ZFAND3: variants seen among roughly 807,000 people sequenced by gnomAD.
ZFAND3 encodes the protein AN1-type zinc finger protein 3.
ZFAND3 carries 10 observed loss-of-function variants against 29.6 expected under a neutral mutation model. The ratio of observed to expected loss-of-function variants is 0.34; its 90% confidence interval spans 0.21 to 0.57. The LOEUF is 0.57. Ranked by LOEUF, ZFAND3 falls within the 20% of genes least tolerant of loss-of-function variation. ZFAND3 has a pLI of 0.86. For missense variants in ZFAND3, 230 were observed against 304.5 expected (o/e 0.76, Z 1.82); for synonymous variants, 128 against 112.6 (o/e 1.14, Z -0.87).
intron 1 of ZFAND3, among the ~76,000 whole-genome samples, chr6:37,871,351 T>A (rs1764692119): frequency 6.6e-6 from 1 of 152,244 alleles, no homozygotes; most frequent in South Asian, 2.1e-4. Context: ...ATTCATTTAT[T>A]AAGAGACTAT....
At chr6:38,054,730 T>C (rs896382505) in intron 2 of ZFAND3, among the ~76,000 whole-genome samples, 4 of 152,186 alleles carry the variant, frequency 2.6e-5, no homozygotes, top group African/African-American at 4.8e-5. Flanking sequence ...CTACAACATA[T>C]GCATAAGGTG....
chr6:37,913,813 C>T (rs1581756398), intron 1 of ZFAND3, among the ~76,000 whole-genome samples: 3 of 149,928 alleles, frequency 2.0e-5, no homozygotes, highest in Non-Finnish European at 4.4e-5. Context: ...CGGGTTTAAG[C>T]GATTCTCCTG....
intron 2 of ZFAND3, among the ~76,000 whole-genome samples, chr6:38,045,685 C>T (rs560879452): frequency 6.6e-6 from 1 of 152,114 alleles, no homozygotes; most frequent in East Asian, 1.9e-4. Flanking sequence ...CTACCTCTTT[C>T]TAATAAGAGT....
intron 1 of ZFAND3, among the ~76,000 whole-genome samples, chr6:37,860,792 T>G (rs756439308): frequency 2.2e-4 from 34 of 152,104 alleles, no homozygotes; most frequent in Non-Finnish European, 4.4e-4. Context: ...GTGCCTTTAT[T>G]TGATCATTTA....
rs773812967 is a variant in ZFAND3, at chr6:38,066,050, G to C, written c.295+4275G>C. On this transcript the variant is annotated intron_variant, in intron 3 of 5. Coordinates refer to ENST00000287218, the MANE Select transcript of ZFAND3 (RefSeq NM_021943.3). Reference sequence around the variant, plus strand: ...GGTGCATAAGAATTTTGGGGTGGAAGGGGGGAAGTAGCTAGTAGTGGTTAA... The same window carrying C: ...GGTGCATAAGAATTTTGGGGTGGAACGGGGGAAGTAGCTAGTAGTGGTTAA... 2.0e-5 allele frequency among the ~76,000 whole-genome samples: 3 copies of C among 152,300 alleles called. No homozygotes were observed. In the East Asian group the frequency reaches 5.8e-4, roughly 29 times the overall value.
chr6:37,982,405 T>A (rs1172947279), intron 2 of ZFAND3, among the ~76,000 whole-genome samples: 2 of 152,136 alleles, frequency 1.3e-5, no homozygotes, highest in African/African-American at 4.8e-5. Flanking sequence ...ACATAAGCAG[T>A]GGAGCAGCCT....
chr6:37,957,772 T>C (rs886135485), intron 2 of ZFAND3, among the ~76,000 whole-genome samples: 1 of 152,200 alleles, frequency 6.6e-6, no homozygotes, highest in Non-Finnish European at 1.5e-5. Flanking sequence ...GTCAGTACTT[T>C]TGTATGCTAG....
chr6:37,977,869 T>TTCC (rs374121487), intron 2 of ZFAND3, among the ~76,000 whole-genome samples: 155 of 94,584 alleles, frequency 1.6e-3, no homozygotes, highest in Middle Eastern at 6.4e-3. Context: ...CCTTCCTTCC[T>TTCC]TTCCTTCTTC....
intron 2 of ZFAND3, among the ~76,000 whole-genome samples, chr6:38,045,458 A>G (rs1763884876): frequency 6.6e-6 from 1 of 152,198 alleles, no homozygotes; most frequent in Admixed American, 6.5e-5. Flanking sequence ...TTGAAAGATA[A>G]AATGAAATAA....
intron 1 of ZFAND3, among the ~76,000 whole-genome samples, chr6:37,840,168 G>T (rs890447024): frequency 2.6e-5 from 4 of 152,052 alleles, no homozygotes; most frequent in Admixed American, 2.6e-4. Context: ...CGCGATCTCG[G>T]CTCAGTGCAA....
Position 38,030,774 on chromosome 6 carries a change from C to CA in ZFAND3, c.113-30810dup, listed in dbSNP as rs1268532583. Among the ~76,000 whole-genome samples the CA allele has an allele frequency of 4.9e-3, 729 of 148,770 alleles. 8 individuals are homozygous for CA. Among genetic ancestry groups the CA allele is most frequent in the African/African-American group, 0.017 (680 of 40,584 alleles). ...CTACAGGTCTGCATTGAAAGAAGTA[C>CA]AAAAAAAAAGAAAAAAACTTCATGG... On this transcript the variant is annotated intron_variant, in intron 2 of 5. Transcript: ENST00000287218.
chr6:37,832,830 C>T (rs951109345), intron 1 of ZFAND3: 4 of 152,254 alleles, frequency 2.6e-5, no homozygotes, highest in Middle Eastern at 6.8e-3. Flanking sequence ...GTGCATGCCA[C>T]CACACCTGCC....
chr6:38,091,307 A>G (rs1360124927), intron 4 of ZFAND3, among the ~76,000 whole-genome samples: 3 of 151,180 alleles, frequency 2.0e-5, no homozygotes, highest in Non-Finnish European at 4.4e-5. Context: ...TTTTTTTTTA[A>G]TAGTCATTTA....
At chr6:37,856,528 A>C (rs537484282) in intron 1 of ZFAND3, among the ~76,000 whole-genome samples, 116 of 152,134 alleles carry the variant, frequency 7.6e-4, no homozygotes, top group African/African-American at 2.6e-3. Flanking sequence ...ACGGACTTCC[A>C]CCTTCCCTTA....
chr6:37,931,183 G>A (rs1761587474), intron 2 of ZFAND3, among the ~76,000 whole-genome samples: 1 of 152,182 alleles, frequency 6.6e-6, no homozygotes, highest in Admixed American at 6.5e-5. Context: ...AGTTGTAGGA[G>A]TACAGCTCAA....
chr6:37,944,113 A>G (rs1761858322), intron 2 of ZFAND3, among the ~76,000 whole-genome samples: 1 of 152,162 alleles, frequency 6.6e-6, no homozygotes, highest in Admixed American at 6.5e-5. Flanking sequence ...ATTTTTGTGT[A>G]TTTGTGTGTA....
intron 2 of ZFAND3, among the ~76,000 whole-genome samples, chr6:38,053,160 A>T (rs1764061699): frequency 1.3e-5 from 2 of 152,174 alleles, no homozygotes; most frequent in South Asian, 4.1e-4. Context: ...GAGCAGTGGC[A>T]TCAAATGTGG....
intron 1 of ZFAND3, among the ~76,000 whole-genome samples, chr6:37,905,719 G>C (rs1028420826): frequency 6.6e-6 from 1 of 152,018 alleles, no homozygotes; most frequent in African/African-American, 2.4e-5. Flanking sequence ...AAAAATGTTA[G>C]GGTTAGGGTG....
intron 2 of ZFAND3, among the ~76,000 whole-genome samples, chr6:37,970,454 C>G (rs1281648925): frequency 6.6e-6 from 1 of 152,112 alleles, no homozygotes; most frequent in Non-Finnish European, 1.5e-5. Context: ...ATTCTAGGGA[C>G]TAAGTATTGA....
Sources: allele counts gnomAD v4.1 joint callset (sites outside exome capture counted in the v4.1 genomes callset), GRCh38; gene constraint gnomAD v4.1.1; transcripts MANE v1.5; gene names NCBI Gene and HGNC (gene_info 2026-07-23, HGNC 2026-07-21).